Variants in COX7B2 observed in about 807,000 individuals in gnomAD.
The protein encoded by COX7B2 is cytochrome c oxidase subunit 7B2, also known as cytochrome c oxidase subunit 7B2, mitochondrial.
For synonymous variants in COX7B2, 37 were observed against 32.1 expected (o/e 1.15, Z -0.51); for missense variants, 109 against 95.9 (o/e 1.14, Z -0.57).
chr4:46,872,358 C>T (rs1335728721), intron 1 of COX7B2, among the ~76,000 whole-genome samples: 2 of 151,572 alleles, frequency 1.3e-5, no homozygotes, highest in East Asian at 1.9e-4. Context: ...GAGCAGAAAA[C>T]GTAACTATTG....
intron 1 of COX7B2, among the ~76,000 whole-genome samples, chr4:46,870,123 T>C (rs1050407633): frequency 5.3e-5 from 8 of 152,156 alleles, no homozygotes; most frequent in Admixed American, 4.6e-4. Flanking sequence ...ATCCAGTCTT[T>C]AAGTTCTGAG....
intron 1 of COX7B2, among the ~76,000 whole-genome samples, chr4:46,859,689 C>G (rs1334025187): frequency 6.6e-6 from 1 of 152,084 alleles, no homozygotes; most frequent in African/African-American, 2.4e-5. Flanking sequence ...CATCCAGAAC[C>G]AGCAAATGGC....
chr4:46,877,404 T>C (rs1286179818), intron 1 of COX7B2, among the ~76,000 whole-genome samples: 1 of 152,174 alleles, frequency 6.6e-6, no homozygotes, highest in Non-Finnish European at 1.5e-5. Flanking sequence ...TCACTGCTGG[T>C]TAATCTTTTC....
chr4:46,879,101 A>AT (rs371370262), intron 1 of COX7B2, among the ~76,000 whole-genome samples: 176 of 152,028 alleles, frequency 1.2e-3, no homozygotes, highest in African/African-American at 4.0e-3. Context: ...TAAGGCCGTG[A>AT]TTTTTTTCTC....
intron 2 of COX7B2, among the ~76,000 whole-genome samples, chr4:46,841,600 C>G (rs1022271403): frequency 1.3e-5 from 2 of 151,956 alleles, no homozygotes; most frequent in South Asian, 4.1e-4. Context: ...ATGACACAAC[C>G]TAAACAAGAA....
chr4:46,739,729 A>G (rs1714592999), intron 2 of COX7B2, among the ~76,000 whole-genome samples: 1 of 152,078 alleles, frequency 6.6e-6, no homozygotes, highest in Non-Finnish European at 1.5e-5. Flanking sequence ...GCAAAACGTA[A>G]GCACACAGGC....
chr4:46,876,506 G>A (rs763010201), intron 1 of COX7B2: 3 of 148,906 alleles, frequency 2.0e-5, no homozygotes, highest in African/African-American at 7.4e-5. Flanking sequence ...CTGGGTTCAC[G>A]CCATTCTCCT....
intron 1 of COX7B2, among the ~76,000 whole-genome samples, chr4:46,847,834 C>A (rs577599402): frequency 2.0e-5 from 3 of 152,080 alleles, no homozygotes; most frequent in African/African-American, 7.2e-5. Flanking sequence ...CTTCTAGAAG[C>A]TGACAGGTAA....
At chr4:46,805,544 A>G (rs1386605540) in intron 2 of COX7B2, among the ~76,000 whole-genome samples, 1 of 152,252 alleles carries the variant, frequency 6.6e-6, no homozygotes, top group Admixed American at 6.5e-5. Context: ...GGTAATGCTA[A>G]AGATAAGACT....
intron 2 of COX7B2, among the ~76,000 whole-genome samples, chr4:46,844,202 CT>C (rs1268194545): frequency 4.6e-5 from 7 of 151,924 alleles, no homozygotes. Context: ...CACCAAATAA[CT>C]TGATTATCCT....
chr4:46,865,278 T>C (rs1162156274), intron 1 of COX7B2, among the ~76,000 whole-genome samples: 1 of 152,176 alleles, frequency 6.6e-6, no homozygotes, highest in Non-Finnish European at 1.5e-5. Flanking sequence ...TAGAAGACAT[T>C]ATTTTGTTCC....
chr4:46,803,083 T>C (rs1486282852), intron 2 of COX7B2, among the ~76,000 whole-genome samples: 1 of 152,188 alleles, frequency 6.6e-6, no homozygotes, highest in Non-Finnish European at 1.5e-5. Flanking sequence ...TATTTCATTA[T>C]GTTCTGTCTC....
intron 2 of COX7B2, among the ~76,000 whole-genome samples, chr4:46,818,913 C>A (rs1714053732): frequency 6.6e-6 from 1 of 152,222 alleles, no homozygotes; most frequent in Non-Finnish European, 1.5e-5. Flanking sequence ...TTCCCCCCAA[C>A]ACTGTAAGTT....
intron 2 of COX7B2, among the ~76,000 whole-genome samples, chr4:46,833,786 T>A (rs1715324916): frequency 6.6e-6 from 1 of 152,070 alleles, no homozygotes; most frequent in Non-Finnish European, 1.5e-5. Flanking sequence ...TAAATATTAA[T>A]CTTTACAGAT....
intron 2 of COX7B2, among the ~76,000 whole-genome samples, chr4:46,785,816 C>A (rs1717727466): frequency 6.6e-6 from 1 of 151,996 alleles, no homozygotes; most frequent in South Asian, 2.1e-4. Flanking sequence ...TATACAGCAA[C>A]CCTGCCTAGG....
At chr4:46,789,832 A>G (rs1024079878) in intron 2 of COX7B2, among the ~76,000 whole-genome samples, 1 of 152,196 alleles carries the variant, frequency 6.6e-6, no homozygotes, top group African/African-American at 2.4e-5. Context: ...TATAGATTCA[A>G]TTAAAGTGTA....
intron 2 of COX7B2, among the ~76,000 whole-genome samples, chr4:46,790,043 C>T (rs894290549): frequency 6.6e-6 from 1 of 151,634 alleles, no homozygotes; most frequent in African/African-American, 2.4e-5. Context: ...TAGACATCCA[C>T]ACATCTTGAA....
chr4:46,831,210 C>A (rs1056241165), intron 2 of COX7B2, among the ~76,000 whole-genome samples: 3 of 152,126 alleles, frequency 2.0e-5, no homozygotes, highest in Admixed American at 6.5e-5. Context: ...TGGGCCGGGT[C>A]CCCCAGCAGT....
chr4:46,803,497 A>G (rs1408117763), intron 2 of COX7B2, among the ~76,000 whole-genome samples: 2 of 152,078 alleles, frequency 1.3e-5, no homozygotes, highest in East Asian at 1.9e-4. Context: ...CATTAGTCAT[A>G]TTTTTTAAAG....
Sources: allele counts gnomAD v4.1 joint callset (sites outside exome capture counted in the v4.1 genomes callset), GRCh38; gene constraint gnomAD v4.1.1; transcripts MANE v1.5; gene names NCBI Gene and HGNC (gene_info 2026-07-23, HGNC 2026-07-21).